Variants in ITPR1 observed in about 807,000 individuals in gnomAD.
ITPR1 encodes the protein inositol 1,4,5-trisphosphate receptor type 1, also known as inositol 1,4,5-trisphosphate-gated calcium channel ITPR1.
A neutral mutation model predicts 318.4 loss-of-function variants in ITPR1; 96 were observed. That is an observed-to-expected ratio of 0.30 (90% confidence interval 0.26 to 0.36). The LOEUF (loss-of-function observed/expected upper bound fraction) is 0.36, where lower values mean the gene tolerates loss of function less well. ITPR1 is among the 10% of genes least tolerant of loss of function. ITPR1 has a pLI of 1.00. For missense variants in ITPR1, 2,440 were observed against 3,460.2 expected (o/e 0.71, Z 7.40); for synonymous variants, 1,312 against 1,289.9 (o/e 1.02, Z -0.37).
chr3:4,654,750 G>A lies in ITPR1; in HGVS notation c.996+864G>A, dbSNP rs1340004827. Among the ~76,000 whole-genome samples the A allele has an allele frequency of 2.0e-5, 3 of 152,190 alleles. No homozygotes were observed. The East Asian group carries it at 5.8e-4, about 29-fold the overall frequency. ...ATTTTCTTAAGGCACTTTAATGAAG[G>A]GAATTGGGTGAAGGGAATTCAAATT... On this transcript the variant is annotated intron_variant, in intron 12 of 61. Transcript: ENST00000649015.
At chr3:4,770,435 C>G (rs1173650025) in intron 46 of ITPR1, among the ~76,000 whole-genome samples, 2 of 151,978 alleles carry the variant, frequency 1.3e-5, no homozygotes, top group Non-Finnish European at 2.9e-5. Flanking sequence ...TTTGAAAAAG[C>G]ATCTGAGATC....
intron 4 of ITPR1, among the ~76,000 whole-genome samples, chr3:4,528,711 C>T (rs1415963683): frequency 6.6e-6 from 1 of 152,094 alleles, no homozygotes; most frequent in African/African-American, 2.4e-5. Context: ...AAAAATCAGT[C>T]TATTTAAGGT....
At position 4,815,249 on chromosome 3, in the gene ITPR1, C is replaced by T. The variant is rs747678211; in HGVS notation, c.7867+31C>T. On this transcript the variant is annotated intron_variant, in intron 59 of 61. Coordinates refer to ENST00000649015, the MANE Select transcript of ITPR1 (RefSeq NM_001378452.1). ...TGTCGCTGGCCAGCTCCAGCAAGGG[C>T]GTGAAGGCCCAGCGTGGCAGAGGCA... is the stretch of plus-strand genomic sequence containing the variant. The T allele has an allele frequency of 1.5e-5, 24 of 1,609,760 alleles. No homozygotes were observed. The highest frequency in any genetic ancestry group is 2.2e-5 in the East Asian group (1 of 44,838).
chr3:4,732,067 GC>G (rs1200202484), intron 42 of ITPR1, among the ~76,000 whole-genome samples: 1 of 152,158 alleles, frequency 6.6e-6, no homozygotes, highest in East Asian at 1.9e-4. Flanking sequence ...AATTTATACA[GC>G]CTTTGACTTT....
intron 52 of ITPR1, among the ~76,000 whole-genome samples, chr3:4,793,100 C>T (rs536427261): frequency 5.9e-5 from 9 of 152,308 alleles, no homozygotes; most frequent in Non-Finnish European, 1.3e-4. Context: ...TAAGTATCTT[C>T]TTGCACCTGG....
intron 44 of ITPR1, among the ~76,000 whole-genome samples, chr3:4,760,802 C>T: frequency 6.6e-6 from 1 of 152,202 alleles, no homozygotes; most frequent in East Asian, 1.9e-4. Context: ...ACCCTCCTCT[C>T]CTGCCTCCTG....
At chr3:4,840,580 G>C (rs1233603930) in intron 61 of ITPR1, among the ~76,000 whole-genome samples, 1 of 152,042 alleles carries the variant, frequency 6.6e-6, no homozygotes, top group Non-Finnish European at 1.5e-5. Flanking sequence ...TTACCTCTTT[G>C]ATTGTTTCGT....
chr3:4,512,919 G>A (rs2081940969), intron 2 of ITPR1, among the ~76,000 whole-genome samples: 1 of 140,330 alleles, frequency 7.1e-6, no homozygotes, highest in South Asian at 2.5e-4. Context: ...GCCTAAGCCT[G>A]CCCTCGTGTA....
intron 4 of ITPR1, among the ~76,000 whole-genome samples, chr3:4,562,636 T>C (rs1362675895): frequency 1.3e-5 from 2 of 152,092 alleles, no homozygotes; most frequent in African/African-American, 4.8e-5. Flanking sequence ...CAGGATCTTA[T>C]AATTGCACCG....
intron 4 of ITPR1, among the ~76,000 whole-genome samples, chr3:4,601,646 G>A (rs913546593): frequency 6.6e-6 from 1 of 152,130 alleles, no homozygotes; most frequent in Non-Finnish European, 1.5e-5. Flanking sequence ...CCTGAATTGG[G>A]TGACAGGTTC....
chr3:4,665,191 T>G lies in ITPR1; in HGVS notation c.1608T>G (p.Leu536=). 1 of 1,614,056 alleles carries G rather than the reference T, an allele frequency of 6.2e-7. No homozygotes were observed. Among genetic ancestry groups the G allele is most frequent in the Non-Finnish European group, 8.5e-7 (1 of 1,179,886 alleles). The change falls in exon 17 of 62, where the codon CTT becomes CTG. Residue 536 remains leucine (L), a synonymous_variant. Coordinates refer to ENST00000649015, the MANE Select transcript of ITPR1 (RefSeq NM_001378452.1). ...CAGACTGCGGTGATGGCCCAATGCT[T>G]CGGCTGGAAGAGCTCGGGGACCAGC... The part of the protein sequence containing the change: ...PFTDCGDGPM[L]RLEELGDQRH...
chr3:4,705,817 C>T lies in ITPR1; in HGVS notation c.4658-350C>T, dbSNP rs182431440. 1.1e-3 allele frequency among the ~76,000 whole-genome samples: 163 copies of T among 152,270 alleles called. 1 individual carries two copies. Among genetic ancestry groups the T allele is most frequent in the African/African-American group, 3.7e-3 (154 of 41,548 alleles). ...ACTAGCAAATGATTCATTGGCCAAA[C>T]GAGTTCCCTGTCTTGATTATTCTTA... On this transcript the variant is annotated intron_variant, in intron 36 of 61. Coordinates refer to ENST00000649015, the MANE Select transcript of ITPR1 (RefSeq NM_001378452.1).
rs1298666097 is a variant in ITPR1, at chr3:4,675,161, T to C, written c.2692T>C (p.Cys898Arg). The change falls in exon 23 of 62, where the codon TGT becomes CGT. Residue 898 changes from cysteine (C) to arginine (R), a missense_variant. Physicochemically the swap from Cys to Arg is radical, Grantham distance 180. This residue lies in a region of ITPR1 where 478 missense variants were observed against 696.3 expected (regional missense o/e 0.69). Transcript: ENST00000649015. ...LTKILLAILD[C>R]VHVTTIFPIS... Reference sequence around the variant, plus strand: ...TAAGATCCTTCTGGCCATATTGGACTGTGTACATGTGACAACAATCTTCCC... The same window carrying C: ...TAAGATCCTTCTGGCCATATTGGACCGTGTACATGTGACAACAATCTTCCC... 1 of 1,611,006 alleles carries C rather than the reference T, an allele frequency of 6.2e-7. No individual in the cohort carries two copies. Among genetic ancestry groups the C allele is most frequent in the African/African-American group, 1.3e-5 (1 of 74,844 alleles).
intron 56 of ITPR1, among the ~76,000 whole-genome samples, chr3:4,812,068 C>A (rs1009996843): frequency 3.4e-5 from 5 of 146,940 alleles, no homozygotes; most frequent in Non-Finnish European, 7.4e-5. Flanking sequence ...GAGACAGGAT[C>A]TCACTCTGTC....
At chr3:4,730,182 T>G (rs1374523328) in intron 42 of ITPR1, among the ~76,000 whole-genome samples, 1 of 150,824 alleles carries the variant, frequency 6.6e-6, no homozygotes, top group Non-Finnish European at 1.5e-5. Context: ...ATTCTCAGTC[T>G]TTATTCTTTC....
chr3:4,721,930 A>G (rs1038027029), intron 40 of ITPR1, among the ~76,000 whole-genome samples: 1 of 152,230 alleles, frequency 6.6e-6, no homozygotes, highest in African/African-American at 2.4e-5. Flanking sequence ...CTTTTCATTT[A>G]AGAATGATAA....
At chr3:4,655,044 C>A (rs1183017817) in intron 12 of ITPR1, among the ~76,000 whole-genome samples, 1 of 152,128 alleles carries the variant, frequency 6.6e-6, no homozygotes, top group Non-Finnish European at 1.5e-5. Context: ...AAAACCCTGA[C>A]CCAGTTTAAC....
chr3:4,822,106 G>C (rs1448120759), intron 60 of ITPR1, among the ~76,000 whole-genome samples: 2 of 152,170 alleles, frequency 1.3e-5, no homozygotes, highest in Non-Finnish European at 2.9e-5. Context: ...ACGGGACTTT[G>C]CTGACCTGGG....
intron 11 of ITPR1, 74 bp downstream of exon 11, chr3:4,652,292 C>T (rs1017763016): frequency 1.1e-5 from 12 of 1,062,928 alleles, no homozygotes; most frequent in African/African-American, 3.1e-5. Flanking sequence ...CGCCTGTAGC[C>T]GTCGTGTTGT....
Sources: allele counts gnomAD v4.1 joint callset (sites outside exome capture counted in the v4.1 genomes callset), GRCh38; gene constraint gnomAD v4.1.1; regional missense constraint gnomAD v4.1.1; transcripts MANE v1.5; gene names NCBI Gene and HGNC (gene_info 2026-07-23, HGNC 2026-07-21).